The following PDE8B variants were observed in gnomAD, a reference collection of about 807,000 sequenced individuals.
PDE8B encodes the protein high affinity cAMP-specific and IBMX-insensitive 3',5'-cyclic phosphodiesterase 8B.
Under a neutral mutation model 101.3 loss-of-function variants are expected in PDE8B, and 26 were observed. That is an observed-to-expected ratio of 0.26 (90% CI 0.19 to 0.36). PDE8B has a LOEUF of 0.36. Ranked by LOEUF, PDE8B falls within the 10% of genes least tolerant of loss-of-function variation. The probability of loss-of-function intolerance (pLI) is 1.00; values close to 1 mark genes in which losing one functional copy is unlikely to be tolerated. For synonymous variants in PDE8B, 424 were observed against 429.3 expected, an observed-to-expected ratio of 0.99 and a Z score of 0.15; for missense variants, 810 against 1,163.1, an observed-to-expected ratio of 0.70 and a Z score of 4.42.
chr5:77,305,690 C>T (rs1015644057), intron 1 of PDE8B, among the ~76,000 whole-genome samples: 3 of 152,160 alleles, frequency 2.0e-5, no homozygotes, highest in African/African-American at 7.2e-5. Flanking sequence ...TTACCCAGAG[C>T]TCAGACGAAT....
chr5:77,271,844 C>T (rs1053972489), intron 1 of PDE8B, among the ~76,000 whole-genome samples: 2 of 152,112 alleles, frequency 1.3e-5, no homozygotes, highest in South Asian at 2.1e-4. Flanking sequence ...ATGAGAAAAC[C>T]GAGGCTTATA....
At chr5:77,178,886 G>A in the PDE8B span, among the ~76,000 whole-genome samples, 1 of 152,224 alleles carries the variant, frequency 6.6e-6, no homozygotes, top group African/African-American at 2.4e-5. Context: ...GTTCCCTGCC[G>A]GGTGGGCCTC....
chr5:77,290,967 G>A, intron 1 of PDE8B: 1 of 1,611,858 alleles, frequency 6.2e-7, no homozygotes, highest in South Asian at 1.1e-5. Context: ...CACAGCAATG[G>A]CCAAAGATGA....
intron 1 of PDE8B, among the ~76,000 whole-genome samples, chr5:77,266,916 G>T (rs897077911): frequency 1.3e-5 from 2 of 151,790 alleles, no homozygotes; most frequent in Admixed American, 1.3e-4. Context: ...ATATTATTAG[G>T]TGTTGAACTG....
the PDE8B span, among the ~76,000 whole-genome samples, chr5:77,158,088 T>C: frequency 6.6e-6 from 1 of 152,224 alleles, no homozygotes; most frequent in Non-Finnish European, 1.5e-5. Flanking sequence ...AGATAACTTG[T>C]CCTGGGTCAT....
intron 10 of PDE8B, among the ~76,000 whole-genome samples, chr5:77,372,555 A>AT (rs1437065668): frequency 6.6e-6 from 1 of 152,214 alleles, no homozygotes; most frequent in Non-Finnish European, 1.5e-5. Context: ...GTGGCCTGGA[A>AT]TTTTTTATGC....
chr5:77,145,430 A>G, the PDE8B span: 2 of 152,234 alleles, frequency 1.3e-5, no homozygotes, highest in African/African-American at 4.8e-5. Flanking sequence ...TGGCATAGAG[A>G]TAAGTCCTGG....
At chr5:77,153,406 A>G in the PDE8B span, among the ~76,000 whole-genome samples, 1 of 152,194 alleles carries the variant, frequency 6.6e-6, no homozygotes, top group East Asian at 1.9e-4. Context: ...TCATACTGTA[A>G]TAGTGTCTTT....
chr5:77,146,113 T>C, the PDE8B span: 3 of 152,208 alleles, frequency 2.0e-5, no homozygotes, highest in African/African-American at 7.2e-5. Flanking sequence ...CGATTTGTCT[T>C]TAGTTTTATA....
the PDE8B span, among the ~76,000 whole-genome samples, chr5:77,128,812 A>T: frequency 6.6e-6 from 1 of 152,218 alleles, no homozygotes; most frequent in Non-Finnish European, 1.5e-5. Context: ...ACTAGGTCAA[A>T]GTCTATTTGC....
chr5:77,167,573 G>A, the PDE8B span, among the ~76,000 whole-genome samples: 1 of 152,186 alleles, frequency 6.6e-6, no homozygotes, highest in Non-Finnish European at 1.5e-5. Flanking sequence ...TTCCACACCT[G>A]CCCCTTCCTG....
chr5:77,403,198 A>G lies in PDE8B; in HGVS notation c.1211-1522A>G, dbSNP rs768341539. Among the ~76,000 whole-genome samples the G allele has an allele frequency of 2.0e-5, 3 of 152,168 alleles. 1 individual carries two copies. Among genetic ancestry groups the G allele is most frequent in the Non-Finnish European group, 2.9e-5 (2 of 68,038 alleles). Reference sequence around the variant, plus strand: ...GCATATGCTTTTTGTTAGTTTTTACATTAACATGACCGTGCGTTTTCAGTG... The same window carrying G: ...GCATATGCTTTTTGTTAGTTTTTACGTTAACATGACCGTGCGTTTTCAGTG... On this transcript the variant is annotated intron_variant, in intron 11 of 21. Transcript: ENST00000264917.
intron 6 of PDE8B, among the ~76,000 whole-genome samples, chr5:77,344,640 GC>G (rs1408664105): frequency 6.6e-6 from 1 of 152,158 alleles, no homozygotes; most frequent in Non-Finnish European, 1.5e-5. Context: ...CACTGACTTA[GC>G]CACTTCCCAA....
At chr5:77,262,229 G>C (rs1298735590) in intron 1 of PDE8B, among the ~76,000 whole-genome samples, 1 of 152,028 alleles carries the variant, frequency 6.6e-6, no homozygotes, top group African/African-American at 2.4e-5. Flanking sequence ...AAAATGGAGA[G>C]AAGCAGGGGA....
chr5:77,353,299 G>A (rs1196492417), intron 9 of PDE8B, 47 bp from the exon 10 acceptor site: 1 of 1,001,556 alleles, frequency 1.0e-6, no homozygotes, highest in South Asian at 1.3e-5. Flanking sequence ...CTGATTTGTT[G>A]AATCATCTCA....
intron 1 of PDE8B, among the ~76,000 whole-genome samples, chr5:77,213,327 C>G (rs1318844588): frequency 6.6e-6 from 1 of 152,234 alleles, no homozygotes; most frequent in African/African-American, 2.4e-5. Flanking sequence ...CTTAACACTA[C>G]TTTGCATTGT....
At position 77,423,016 on chromosome 5, in the gene PDE8B, T is replaced by G. The variant is rs116132077; in HGVS notation, c.2418+1028T>G. On this transcript the variant is annotated intron_variant, in intron 20 of 21. Transcript: ENST00000264917. ...AGTAGTTTTTCAACCCTTGCCCCCT[T>G]CCCTCCTTTTGAAGTCTCCAGTGTC... Among the ~76,000 whole-genome samples the G allele has an allele frequency of 8.1e-3, 1,230 of 152,276 alleles. 11 individuals carry two copies. The highest frequency in any genetic ancestry group is 0.028 in the African/African-American group (1,157 of 41,556).
At chr5:77,251,473 T>G (rs1263522753) in intron 1 of PDE8B, among the ~76,000 whole-genome samples, 1 of 152,230 alleles carries the variant, frequency 6.6e-6, no homozygotes, top group East Asian at 1.9e-4. Flanking sequence ...GCAGAGAAGG[T>G]CTCTTTCCCA....
chr5:77,294,727 G>A (rs1306144097), intron 1 of PDE8B, among the ~76,000 whole-genome samples: 1 of 151,060 alleles, frequency 6.6e-6, no homozygotes, highest in Non-Finnish European at 1.5e-5. Context: ...AGTGCAGAAA[G>A]CACTGTATAG....
Sources: allele counts gnomAD v4.1 joint callset (sites outside exome capture counted in the v4.1 genomes callset), GRCh38; gene constraint gnomAD v4.1.1; transcripts MANE v1.5; gene names NCBI Gene and HGNC (gene_info 2026-07-23, HGNC 2026-07-21).